Variants in ANO4 observed in about 807,000 individuals in gnomAD.
The protein encoded by ANO4 is anoctamin-4.
ANO4 carries 69 observed loss-of-function variants against 141.9 expected under a neutral mutation model. That is an observed-to-expected ratio of 0.49 (90% CI 0.40 to 0.59). The LOEUF is 0.59. Among genes scored for constraint, ANO4 ranks in the 20% least tolerant of loss-of-function variants. The pLI, the probability that ANO4 is intolerant of heterozygous loss-of-function variation, is 0.00. For synonymous variants in ANO4, 350 were observed against 394.3 expected (o/e 0.89, Z 1.33); for missense variants, 894 against 1,162.2 (o/e 0.77, Z 3.36).
intron 3 of ANO4, among the ~76,000 whole-genome samples, chr12:100,783,810 G>C (rs766493674): frequency 1.3e-5 from 2 of 152,016 alleles, no homozygotes; most frequent in African/African-American, 2.4e-5. Context: ...ATGTACCCTG[G>C]GTGTTGCTGC....
intron 5 of ANO4, among the ~76,000 whole-genome samples, chr12:100,951,040 C>T (rs955599532): frequency 6.6e-6 from 1 of 152,102 alleles, no homozygotes; most frequent in Non-Finnish European, 1.5e-5. Context: ...AGTGTAATCA[C>T]TTTGAGGGAG....
intron 2 of ANO4, among the ~76,000 whole-genome samples, chr12:100,919,704 G>GTGTGTGTA (rs1491099261): frequency 1.7e-5 from 2 of 119,576 alleles, no homozygotes; most frequent in African/African-American, 6.8e-5. Context: ...GTGTGTGTGT[G>GTGTGTGTA]TATGTATGTA....
At chr12:101,108,676 GTCAT>G (rs2050544932) in intron 22 of ANO4, among the ~76,000 whole-genome samples, 1 of 151,990 alleles carries the variant, frequency 6.6e-6, no homozygotes. Context: ...TATATACATA[GTCAT>G]TCAAACAGCC....
At chr12:100,888,404 C>A (rs2039943176) in intron 1 of ANO4, among the ~76,000 whole-genome samples, 1 of 152,198 alleles carries the variant, frequency 6.6e-6, no homozygotes, top group South Asian at 2.1e-4. Flanking sequence ...GGGTGAGGAG[C>A]CTTTATAAAA....
chr12:100,787,077 CAGAG>C (rs1371090255), intron 3 of ANO4, among the ~76,000 whole-genome samples: 1 of 152,050 alleles, frequency 6.6e-6, no homozygotes, highest in African/African-American at 2.4e-5. Context: ...TGAGTGTCTC[CAGAG>C]AGAGTTTATC....
At chr12:100,854,996 A>T (rs2038089013) in intron 1 of ANO4, among the ~76,000 whole-genome samples, 1 of 150,706 alleles carries the variant, frequency 6.6e-6, no homozygotes. Context: ...TCCCAAGTTC[A>T]TTTTTTTTTC....
At chr12:100,960,699 G>A (rs552525948) in intron 5 of ANO4, among the ~76,000 whole-genome samples, 5 of 152,154 alleles carry the variant, frequency 3.3e-5, no homozygotes, top group African/African-American at 1.2e-4. Context: ...GTCTTTTCTG[G>A]GTCTTGCTTA....
intron 11 of ANO4, 59 bp downstream of exon 11, chr12:101,040,135 C>G: frequency 6.6e-7 from 1 of 1,514,070 alleles, no homozygotes. Flanking sequence ...GGCAGACTGT[C>G]AGCTGGGACA....
intron 13 of ANO4, among the ~76,000 whole-genome samples, chr12:101,044,131 T>C (rs1320683198): frequency 6.6e-6 from 1 of 152,174 alleles, no homozygotes; most frequent in Non-Finnish European, 1.5e-5. Context: ...CAATTAAGGC[T>C]AGCTCAGCCA....
Position 100,907,569 on chromosome 12 carries a change from C to T in ANO4, c.55+5729C>T, listed in dbSNP as rs117291567. On this transcript the variant is annotated intron_variant, in intron 2 of 27. Transcript: ENST00000392977. Reference sequence around the variant, plus strand: ...ATCTTCCGTCACTCCTAACATCATGCGTTGTCCCTAGTAGGTTCTTAATAA... The same window carrying T: ...ATCTTCCGTCACTCCTAACATCATGTGTTGTCCCTAGTAGGTTCTTAATAA... Among the ~76,000 whole-genome samples the T allele has an allele frequency of 4.2e-3, 634 of 152,286 alleles. 23 individuals are homozygous for T. In the East Asian group the frequency reaches 0.096, roughly 23 times the overall value.
chr12:100,777,031 C>T (rs959496637), intron 3 of ANO4, among the ~76,000 whole-genome samples: 1 of 151,686 alleles, frequency 6.6e-6, no homozygotes, highest in Non-Finnish European at 1.5e-5. Context: ...ATTTTTACAG[C>T]TAAGGAAGAT....
chr12:101,063,745 C>CTTTTTTTTT lies in ANO4; in HGVS notation c.1312+15369_1312+15377dup. On this transcript the variant is annotated intron_variant, in intron 14 of 27. Coordinates refer to ENST00000392977, the MANE Select transcript of ANO4 (RefSeq NM_001286615.2). ...ATGGATGGAAGGTTGTCCAGGTTAT[C>CTTTTTTTTT]TTTTTTTTTTTTTTTTTTTTTTTTT... Among the ~76,000 whole-genome samples the CTTTTTTTTT allele has an allele frequency of 2.7e-3, 67 of 24,802 alleles. 12 individuals carry two copies. Among genetic ancestry groups the CTTTTTTTTT allele is most frequent in the East Asian group, 4.5e-3 (3 of 662 alleles). 16.3% of individuals were successfully genotyped at this position (24,802 alleles called of 152,430 possible).
intron 9 of ANO4, among the ~76,000 whole-genome samples, chr12:101,026,633 G>A (rs1009291715): frequency 1.3e-5 from 2 of 152,098 alleles, no homozygotes; most frequent in Non-Finnish European, 2.9e-5. Context: ...ACAAAGGGTC[G>A]AAGTCAATTC....
intron 9 of ANO4, among the ~76,000 whole-genome samples, chr12:101,030,773 C>T (rs1451927741): frequency 6.6e-6 from 1 of 152,034 alleles, no homozygotes; most frequent in Non-Finnish European, 1.5e-5. Flanking sequence ...GGGGAGATCA[C>T]CACTGACCTC....
chr12:100,740,312 A>G (rs1019636398), intron 3 of ANO4, among the ~76,000 whole-genome samples: 2 of 152,072 alleles, frequency 1.3e-5, no homozygotes, highest in Non-Finnish European at 2.9e-5. Context: ...CCTGGCCTCA[A>G]GCAATCCCTC....
chr12:100,871,013 T>C (rs1232347961), intron 1 of ANO4, among the ~76,000 whole-genome samples: 1 of 152,206 alleles, frequency 6.6e-6, no homozygotes, highest in Non-Finnish European at 1.5e-5. Context: ...CCTCATCTAA[T>C]AGGTGTCACT....
intron 1 of ANO4, among the ~76,000 whole-genome samples, chr12:100,868,639 A>G (rs1043890781): frequency 6.6e-6 from 1 of 152,130 alleles, no homozygotes; most frequent in Non-Finnish European, 1.5e-5. Flanking sequence ...GCTGCAGAAG[A>G]AAGCCACCAC....
chr12:100,934,016 G>T (rs2042189723), intron 3 of ANO4, among the ~76,000 whole-genome samples: 1 of 152,144 alleles, frequency 6.6e-6, no homozygotes, highest in Admixed American at 6.5e-5. Flanking sequence ...CAGATGGGTA[G>T]ATTGCAAAAT....
intron 2 of ANO4, among the ~76,000 whole-genome samples, chr12:100,914,986 A>G (rs1256678872): frequency 6.7e-6 from 1 of 150,214 alleles, no homozygotes. Flanking sequence ...AGCTAATTTT[A>G]TTTTATATTT....
Sources: allele counts gnomAD v4.1 joint callset (sites outside exome capture counted in the v4.1 genomes callset), GRCh38; gene constraint gnomAD v4.1.1; transcripts MANE v1.5; gene names NCBI Gene and HGNC (gene_info 2026-07-23, HGNC 2026-07-21).